Variants in LPA observed in about 807,000 individuals in gnomAD.
The protein encoded by LPA is lipoprotein(a).
LPA carries 199 observed loss-of-function variants against 197.9 expected under a neutral mutation model. The observed-to-expected ratio is 1.01, with a 90% CI of 0.90 to 1.13. The LOEUF (loss-of-function observed/expected upper bound fraction) is 1.13. LPA is among the 50% of genes most tolerant of loss of function. The probability of loss-of-function intolerance (pLI) is 0.00; values close to 1 mark genes in which losing one functional copy is unlikely to be tolerated. For missense variants in LPA, 1,853 were observed against 1,785.8 expected (o/e 1.04, Z -0.68); for synonymous variants, 715 against 639.5 (o/e 1.12, Z -1.78).
chr6:160,585,717 C>T (rs545381750), intron 25 of LPA, among the ~76,000 whole-genome samples: 5 of 152,172 alleles, frequency 3.3e-5, no homozygotes, highest in Admixed American at 6.5e-5. Context: ...AGACACATTG[C>T]CTCTCAGGGA....
At chr6:160,661,239 G>A (rs1033865098) in intron 1 of LPA, among the ~76,000 whole-genome samples, 3 of 152,228 alleles carry the variant, frequency 2.0e-5, no homozygotes, top group Non-Finnish European at 4.4e-5. Context: ...TAAGCAACAG[G>A]ACAACCTTGA....
At chr6:160,558,220 T>C (rs1342205232) in intron 28 of LPA, among the ~76,000 whole-genome samples, 1 of 152,052 alleles carries the variant, frequency 6.6e-6, no homozygotes, top group Non-Finnish European at 1.5e-5. Flanking sequence ...CGCCTGGCCT[T>C]AGATTTTTTT....
chr6:160,565,212 A>G (rs1333843287), intron 28 of LPA, among the ~76,000 whole-genome samples: 1 of 152,200 alleles, frequency 6.6e-6, no homozygotes, highest in Non-Finnish European at 1.5e-5. Context: ...CTGAGAATGG[A>G]CAGACTGCCT....
chr6:160,604,594 G>T (rs894380371), intron 18 of LPA, among the ~76,000 whole-genome samples: 1 of 152,144 alleles, frequency 6.6e-6, no homozygotes, highest in African/African-American at 2.4e-5. Flanking sequence ...TGGAATAGAC[G>T]TAGATATAGA....
At chr6:160,586,667 G>T in intron 24 of LPA, 37 bp from the exon 25 acceptor site, 3 of 1,612,990 alleles carry the variant, frequency 1.9e-6, no homozygotes, top group Non-Finnish European at 2.5e-6. Context: ...ACCAGAGATT[G>T]GAGAAGATAC....
At chr6:160,584,728 T>C (rs1328711239) in intron 26 of LPA, among the ~76,000 whole-genome samples, 1 of 152,190 alleles carries the variant, frequency 6.6e-6, no homozygotes, top group Non-Finnish European at 1.5e-5. Context: ...GTTGAAAGAC[T>C]GCATGGACCT....
intron 16 of LPA, among the ~76,000 whole-genome samples, chr6:160,608,407 C>A (rs951196705): frequency 2.6e-5 from 4 of 152,138 alleles, no homozygotes; most frequent in African/African-American, 9.7e-5. Flanking sequence ...ACATTAATAA[C>A]ATTCCCGGTA....
intron 28 of LPA, among the ~76,000 whole-genome samples, chr6:160,565,832 A>T (rs1232687396): frequency 6.6e-6 from 1 of 152,260 alleles, no homozygotes; most frequent in African/African-American, 2.4e-5. Flanking sequence ...AGAAGACCTT[A>T]AATGATCTAA....
At chr6:160,652,248 TAAAC>T (rs1780020677) in intron 1 of LPA, among the ~76,000 whole-genome samples, 1 of 151,746 alleles carries the variant, frequency 6.6e-6, no homozygotes, top group South Asian at 2.1e-4. Flanking sequence ...AAGTTAATAA[TAAAC>T]AAATTATAGT....
At chr6:160,611,354 T>G (rs1470081628) in intron 16 of LPA, among the ~76,000 whole-genome samples, 2 of 152,094 alleles carry the variant, frequency 1.3e-5, no homozygotes, top group Non-Finnish European at 2.9e-5. Context: ...ATTTCCCTTC[T>G]GCTCCACAAA....
intron 21 of LPA, 79 bp from the exon 22 acceptor site, chr6:160,594,196 G>A (rs1332446411): frequency 3.9e-6 from 6 of 1,555,696 alleles, no homozygotes; most frequent in Non-Finnish European, 5.3e-6. Flanking sequence ...GACTGAAACA[G>A]GATCATTGTC....
At chr6:160,663,383 T>A (rs1305993843) in intron 1 of LPA, among the ~76,000 whole-genome samples, 2 of 152,208 alleles carry the variant, frequency 1.3e-5, no homozygotes, top group African/African-American at 4.8e-5. Context: ...GGGAATTTGG[T>A]CACGAGACAA....
intron 36 of LPA, among the ~76,000 whole-genome samples, chr6:160,538,365 C>T (rs1243038867): frequency 6.6e-6 from 1 of 152,320 alleles, no homozygotes; most frequent in South Asian, 2.1e-4. Context: ...TATAAAATTG[C>T]AAATGCCTTG....
chr6:160,533,778 A>C (rs1290561178), intron 37 of LPA, among the ~76,000 whole-genome samples: 1 of 152,196 alleles, frequency 6.6e-6, no homozygotes, highest in Non-Finnish European at 1.5e-5. Flanking sequence ...CACTTCCTTG[A>C]CAATTAGGGA....
Position 160,558,909 on chromosome 6 carries a change from GC to G in LPA, c.4632-1339del, listed in dbSNP as rs150525416. On this transcript the variant is annotated intron_variant, in intron 28 of 38. Coordinates refer to ENST00000316300, the MANE Select transcript of LPA (RefSeq NM_005577.4). ...CCATGGGAAAGTTTAGAGACTCTAT[GC>G]CTGTGACCTAGTCTCCAGCCTAGAC... is the stretch of plus-strand genomic sequence containing the variant. Among the ~76,000 whole-genome samples the G allele has an allele frequency of 8.6e-3, 1,314 of 152,310 alleles. 15 individuals carry two copies. The highest frequency in any genetic ancestry group is 0.03 in the African/African-American group (1,232 of 41,554).
chr6:160,610,905 G>T (rs1208587599), intron 16 of LPA, among the ~76,000 whole-genome samples: 1 of 152,124 alleles, frequency 6.6e-6, no homozygotes, highest in Admixed American at 6.5e-5. Context: ...CATGTCTTTG[G>T]TTGTTGATTA....
chr6:160,609,950 T>C (rs1779452683), intron 16 of LPA, among the ~76,000 whole-genome samples: 1 of 152,162 alleles, frequency 6.6e-6, no homozygotes, highest in Non-Finnish European at 1.5e-5. Context: ...ATTTAAGACA[T>C]ACTTTTTGTA....
At chr6:160,559,604 A>C (rs1053679572) in intron 28 of LPA, among the ~76,000 whole-genome samples, 1 of 152,140 alleles carries the variant, frequency 6.6e-6, no homozygotes, top group African/African-American at 2.4e-5. Context: ...CTGATTTTTT[A>C]ATTCGTTTTA....
At chr6:160,649,771 G>C (rs945929664) in intron 2 of LPA, among the ~76,000 whole-genome samples, 1 of 152,096 alleles carries the variant, frequency 6.6e-6, no homozygotes, top group African/African-American at 2.4e-5. Context: ...ACTTTTTATT[G>C]TTTAGCATCT....
Sources: allele counts gnomAD v4.1 joint callset (sites outside exome capture counted in the v4.1 genomes callset), GRCh38; gene constraint gnomAD v4.1.1; transcripts MANE v1.5; gene names NCBI Gene and HGNC (gene_info 2026-07-23, HGNC 2026-07-21).